The following ZMYM4 variants were observed in gnomAD, a reference collection of about 807,000 sequenced individuals.
ZMYM4 encodes zinc finger MYM-type containing 4.
ZMYM4 carries 31 observed loss-of-function variants against 183.2 expected under a neutral mutation model. That is an observed-to-expected ratio of 0.17 (90% CI 0.13 to 0.23). The LOEUF (loss-of-function observed/expected upper bound fraction) is 0.23. Among genes scored for constraint, ZMYM4 ranks in the 10% least tolerant of loss-of-function variants. The probability of loss-of-function intolerance (pLI) is 1.00; values close to 1 mark genes in which losing one functional copy is unlikely to be tolerated. For synonymous variants in ZMYM4, 592 were observed against 631.2 expected (o/e 0.94, Z 0.93); for missense variants, 1,273 against 1,840.3 (o/e 0.69, Z 5.64).
intron 2 of ZMYM4, among the ~76,000 whole-genome samples, chr1:35,357,454 AGAGTTT>A (rs1643862168): frequency 6.6e-6 from 1 of 152,220 alleles, no homozygotes; most frequent in South Asian, 2.1e-4. Flanking sequence ...GTTTAGGCAT[AGAGTTT>A]ATAAGGGTAT....
At chr1:35,396,465 A>G (rs1168970731) in intron 18 of ZMYM4, 87 bp from the exon 19 acceptor site, 1 of 1,550,678 alleles carries the variant, frequency 6.4e-7, no homozygotes, top group Non-Finnish European at 8.7e-7. Context: ...TGAACTATAA[A>G]CCTCCATAAG....
intron 9 of ZMYM4, among the ~76,000 whole-genome samples, chr1:35,385,200 G>A (rs1358735762): frequency 6.6e-6 from 1 of 152,066 alleles, no homozygotes; most frequent in Non-Finnish European, 1.5e-5. Flanking sequence ...TGCATTACAT[G>A]TTATCATGAT....
At chr1:35,347,856 C>G (rs1200870759) in intron 2 of ZMYM4, among the ~76,000 whole-genome samples, 1 of 151,980 alleles carries the variant, frequency 6.6e-6, no homozygotes, top group African/African-American at 2.4e-5. Context: ...TGTTATTCTG[C>G]TTACAAAAGT....
Position 35,420,009 on chromosome 1 carries a change from T to C in ZMYM4, c.*332T>C. 3.0e-6 allele frequency: 1 copy of C among 338,834 alleles called. No homozygotes were observed. The highest frequency in any genetic ancestry group is 5.8e-6 in the Non-Finnish European group (1 of 173,650). The allele number at this position is 338,834 out of a possible 1,614,324, so 21.0% of individuals were successfully genotyped here. A position where few individuals can be genotyped will look rare whatever the true frequency, so the allele number is the denominator to read the frequency against. ...ACTGTTGTATAAAACTTTACCATAG[T>C]AACCTTAGACCTTAGAGAGGTAGCT... is the stretch of plus-strand genomic sequence containing the variant. On this transcript the variant is annotated 3_prime_UTR_variant, in exon 30 of 30. Transcript: ENST00000314607.
rs1433934944 is a variant in ZMYM4, at chr1:35,370,464, T to G, written c.1018T>G (p.Ser340Ala). 1 of 1,613,090 alleles carries G rather than the reference T, an allele frequency of 6.2e-7. No homozygotes were observed. The highest frequency in any genetic ancestry group is 8.5e-7 in the Non-Finnish European group (1 of 1,179,828). Residue 340 changes from serine to alanine, a missense_variant, in exon 7 of 30, where the codon TCC (serine) becomes GCC (alanine). Physicochemically the swap from Ser to Ala is moderately conservative, Grantham distance 99. This residue lies in a region of ZMYM4 where 384 missense variants were observed against 465.6 expected (regional missense o/e 0.82). Transcript: ENST00000314607. Reference sequence around the variant, plus strand: ...AGTTCCAGCCACAGCTGTTCGAGTTTCCTGTTCTGGTTGTAAAAAAATCCT... The same window carrying G: ...AGTTCCAGCCACAGCTGTTCGAGTTGCCTGTTCTGGTTGTAAAAAAATCCT... Reference protein sequence around the residue: ...PSVPATAVRVSCSGCKKILQK... With the variant: ...PSVPATAVRVACSGCKKILQK...
At chr1:35,318,730 T>A (rs929750977) in intron 1 of ZMYM4, among the ~76,000 whole-genome samples, 2 of 152,220 alleles carry the variant, frequency 1.3e-5, no homozygotes, top group African/African-American at 2.4e-5. Flanking sequence ...AGTGCTGGGA[T>A]TACAGGCATG....
intron 2 of ZMYM4, among the ~76,000 whole-genome samples, chr1:35,329,940 G>T (rs1335279242): frequency 6.6e-6 from 1 of 152,150 alleles, no homozygotes; most frequent in Non-Finnish European, 1.5e-5. Flanking sequence ...TCTTGGCTGG[G>T]CATGGTGGCT....
rs1644653389 is a variant in ZMYM4, at chr1:35,389,495, C to G, written c.2436+413C>G. Among the ~76,000 whole-genome samples the G allele has an allele frequency of 6.6e-6, 1 of 152,064 alleles. No individual in the cohort carries two copies. Among genetic ancestry groups the G allele is most frequent in the Non-Finnish European group, 1.5e-5 (1 of 67,996 alleles). ...ATCAGCTGGGCGCGGTGGCTCACGC[C>G]TGTAATCCCAGCACTTTGGGAGGCC... On this transcript the variant is annotated intron_variant, in intron 14 of 29. Coordinates refer to ENST00000314607, the MANE Select transcript of ZMYM4 (RefSeq NM_005095.3). The surrounding 1 kb of genome is among the most constrained non-coding windows in gnomAD (Gnocchi z 4.0).
chr1:35,377,550 T>A (rs1446072913), intron 7 of ZMYM4, among the ~76,000 whole-genome samples: 3 of 152,212 alleles, frequency 2.0e-5, no homozygotes, highest in Non-Finnish European at 2.9e-5. Context: ...AATAAAGCAA[T>A]TATCTCAATA....
At chr1:35,367,612 CA>C (rs972722368) in intron 5 of ZMYM4, among the ~76,000 whole-genome samples, 26 of 152,152 alleles carry the variant, frequency 1.7e-4, no homozygotes, top group Admixed American at 1.4e-3. Context: ...AGAGATAGCC[CA>C]AAAACAGACA....
At chr1:35,322,832 G>T (rs1642342547) in intron 1 of ZMYM4, among the ~76,000 whole-genome samples, 1 of 151,980 alleles carries the variant, frequency 6.6e-6, no homozygotes, top group Non-Finnish European at 1.5e-5. Context: ...TGGGATTACA[G>T]GTGTGTGCCA....
At chr1:35,316,675 G>T (rs1642059114) in intron 1 of ZMYM4, among the ~76,000 whole-genome samples, 1 of 152,120 alleles carries the variant, frequency 6.6e-6, no homozygotes, top group African/African-American at 2.4e-5. Flanking sequence ...TACTCAAGAG[G>T]AGAGAATTTG....
intron 19 of ZMYM4, 33 bp downstream of exon 19, chr1:35,396,703 A>G: frequency 6.2e-7 from 1 of 1,603,394 alleles, no homozygotes; most frequent in Non-Finnish European, 8.5e-7. Context: ...AAGCTAATAT[A>G]GCATGCATTT....
At chr1:35,317,450 A>G (rs540306711) in intron 1 of ZMYM4, among the ~76,000 whole-genome samples, 14 of 152,212 alleles carry the variant, frequency 9.2e-5, no homozygotes, top group South Asian at 4.1e-4. Flanking sequence ...TAAATAAATA[A>G]ATAGATAGAT....
At chr1:35,390,450 G>T (rs545756353) in intron 15 of ZMYM4, among the ~76,000 whole-genome samples, 21 of 151,872 alleles carry the variant, frequency 1.4e-4, no homozygotes, top group Non-Finnish European at 2.5e-4. Context: ...AGCAGGAGTG[G>T]GGGTCACAAA....
chr1:35,355,614 T>G (rs1007742423), intron 2 of ZMYM4, among the ~76,000 whole-genome samples: 1 of 152,190 alleles, frequency 6.6e-6, no homozygotes, highest in African/African-American at 2.4e-5. Flanking sequence ...TTTATCTTTT[T>G]GATTTGGTTT....
chr1:35,419,259 CTGTGGG>C (rs1640239975), intron 29 of ZMYM4, among the ~76,000 whole-genome samples: 1 of 152,058 alleles, frequency 6.6e-6, no homozygotes, highest in South Asian at 2.1e-4. Context: ...CTATTTATCT[CTGTGGG>C]TACCTTGCTT....
At position 35,309,661 on chromosome 1, in the gene ZMYM4, A is replaced by T. The variant is rs372236389; in HGVS notation, c.40-15699A>T. 3.0e-4 allele frequency among the ~76,000 whole-genome samples: 45 copies of T among 152,168 alleles called. No individual in the cohort carries two copies. The East Asian group carries it at 5.2e-3, about 18-fold the overall frequency. On this transcript the variant is annotated intron_variant, in intron 1 of 29. Transcript: ENST00000314607. ...AGCAGTTGTCTGCCTTTGTAATTAC[A>T]CTTTATATTTGCGATCTCAAAATAC...
intron 10 of ZMYM4, 78 bp downstream of exon 10, chr1:35,385,670 TG>T (rs1262075916): frequency 1.4e-6 from 2 of 1,473,076 alleles, no homozygotes; most frequent in African/African-American, 2.9e-5. Context: ...CGGTTTTTTT[TG>T]GTTGATTTTT....
Sources: gnomAD v4.1 joint callset for allele counts (sites outside exome capture counted in the v4.1 genomes callset) on GRCh38, gnomAD v4.1.1 for gene constraint, gnomAD v4.1.1 regional missense constraint, Gnocchi (gnomAD v3.1) non-coding constraint, MANE v1.5 for transcripts, NCBI Gene and HGNC (gene_info 2026-07-23, HGNC 2026-07-21) for gene names.